ANKS1B: variants seen among roughly 807,000 people sequenced by gnomAD.
ANKS1B encodes ankyrin repeat and sterile alpha motif domain containing 1B.
Under a neutral mutation model 148.3 loss-of-function variants are expected in ANKS1B, and 36 were observed. The observed-to-expected ratio is 0.24, with a 90% CI of 0.19 to 0.32. ANKS1B has a LOEUF of 0.32. ANKS1B is among the 10% of genes least tolerant of loss of function. The pLI is 1.00. For synonymous variants in ANKS1B, 542 were observed against 560.8 expected (o/e 0.97, Z 0.47); for missense variants, 1,157 against 1,542.6 (o/e 0.75, Z 4.19).
rs61065461 is a variant in ANKS1B, at chr12:98,846,025, C to CAT, written c.2779-13891_2779-13890dup. Among the ~76,000 whole-genome samples, 247 of 149,956 alleles carry CAT rather than the reference C, an allele frequency of 1.6e-3. 2 individuals carry two copies. The highest frequency in any genetic ancestry group is 5.1e-3 in the African/African-American group (207 of 40,888). ...ACACACATATATGTACACATACACA[C>CAT]ATATATATATATGTATATTTTGTTC... On this transcript the variant is annotated intron_variant, in intron 17 of 26. Transcript: ENST00000683438.
chr12:99,556,349 G>T (rs1213444279), intron 9 of ANKS1B, among the ~76,000 whole-genome samples: 1 of 152,032 alleles, frequency 6.6e-6, no homozygotes, highest in East Asian at 1.9e-4. Flanking sequence ...CGGCTAGTGG[G>T]TCTATCAAAC....
chr12:99,111,695 T>C (rs2060320954), intron 15 of ANKS1B, among the ~76,000 whole-genome samples: 1 of 152,178 alleles, frequency 6.6e-6, no homozygotes, highest in Non-Finnish European at 1.5e-5. Context: ...TTTCTTTTCT[T>C]TCTTTACACG....
At chr12:98,790,606 A>G (rs1466217893) in intron 22 of ANKS1B, among the ~76,000 whole-genome samples, 1 of 152,164 alleles carries the variant, frequency 6.6e-6, no homozygotes, top group Non-Finnish European at 1.5e-5. Flanking sequence ...TACAGGTGTG[A>G]GCCACCTTGC....
chr12:99,951,556 G>A (rs1356525129), intron 1 of ANKS1B, among the ~76,000 whole-genome samples: 1 of 152,062 alleles, frequency 6.6e-6, no homozygotes, highest in Non-Finnish European at 1.5e-5. Flanking sequence ...AGGTATCTGG[G>A]GTAGGCTGGC....
chr12:98,933,258 AACTT>A (rs1205425586), intron 17 of ANKS1B, among the ~76,000 whole-genome samples: 1 of 152,186 alleles, frequency 6.6e-6, no homozygotes, highest in Admixed American at 6.5e-5. Flanking sequence ...TTCTGCGACT[AACTT>A]ACTTCACTTA....
chr12:99,875,259 A>T lies in ANKS1B; in HGVS notation c.135-49870T>A, dbSNP rs1361100519. Among the ~76,000 whole-genome samples the T allele has an allele frequency of 3.3e-5, 5 of 152,164 alleles. No homozygotes were observed. In the South Asian group the frequency reaches 1.0e-3, roughly 32 times the overall value. ...TTAAACATTTAAATTGCATTTCAAA[A>T]TGTTGGATTTGGCAAAATTTAAAAT... On this transcript the variant is annotated intron_variant, in intron 1 of 26. Transcript: ENST00000683438.
chr12:99,117,032 A>G (rs1015452886), intron 15 of ANKS1B, among the ~76,000 whole-genome samples: 2 of 152,146 alleles, frequency 1.3e-5, no homozygotes, highest in African/African-American at 4.8e-5. Flanking sequence ...AATGCTTGTG[A>G]TATTTGCACA....
chr12:99,955,418 G>A (rs555105486), intron 1 of ANKS1B, among the ~76,000 whole-genome samples: 15 of 144,118 alleles, frequency 1.0e-4, no homozygotes, highest in Non-Finnish European at 1.4e-4. Flanking sequence ...GCGTGAACCC[G>A]GGAGGCGGAG....
intron 12 of ANKS1B, among the ~76,000 whole-genome samples, chr12:99,292,868 T>C (rs1175156586): frequency 3.3e-4 from 50 of 152,266 alleles, no homozygotes; most frequent in Admixed American, 6.5e-5. Context: ...CTGGAGAGGA[T>C]GTGGAGAAAT....
rs1199046991 is a variant in ANKS1B, at chr12:99,228,106, T to C, written c.2419+16236A>G. ...GATAAAAGTATGAGCCATGGAATTATAGAGCTGGAAAAGATCTAGCCCTAC... is the reference window on the plus strand; with the variant it reads ...GATAAAAGTATGAGCCATGGAATTACAGAGCTGGAAAAGATCTAGCCCTAC... On this transcript the variant is annotated intron_variant, in intron 14 of 26. Coordinates refer to ENST00000683438, the MANE Select transcript of ANKS1B (RefSeq NM_001352186.2). Among the ~76,000 whole-genome samples the C allele has an allele frequency of 3.9e-5, 6 of 152,120 alleles. No individual in the cohort carries two copies. In the East Asian group the frequency reaches 7.7e-4, roughly 20 times the overall value.
intron 1 of ANKS1B, among the ~76,000 whole-genome samples, chr12:99,919,505 C>A (rs2094282380): frequency 6.6e-6 from 1 of 151,940 alleles, no homozygotes; most frequent in Non-Finnish European, 1.5e-5. Context: ...AAATTGGAAG[C>A]TTGCATAAAC....
intron 16 of ANKS1B, among the ~76,000 whole-genome samples, chr12:99,074,670 C>T (rs575066863): frequency 6.6e-6 from 1 of 152,200 alleles, no homozygotes; most frequent in Non-Finnish European, 1.5e-5. Flanking sequence ...AAATGCAGGC[C>T]GCCAGTGCTG....
intron 12 of ANKS1B, among the ~76,000 whole-genome samples, chr12:99,308,428 A>T (rs367849667): frequency 5.3e-5 from 8 of 152,140 alleles, no homozygotes; most frequent in African/African-American, 1.9e-4. Context: ...GCTGGTACAC[A>T]AATGTTTGTC....
At chr12:99,088,988 G>T (rs773294085) in intron 15 of ANKS1B, among the ~76,000 whole-genome samples, 1 of 151,718 alleles carries the variant, frequency 6.6e-6, no homozygotes, top group Non-Finnish European at 1.5e-5. Context: ...TGGGATTACA[G>T]GTGCCCGTCA....
intron 8 of ANKS1B, among the ~76,000 whole-genome samples, chr12:99,673,878 T>G (rs1482792276): frequency 6.6e-6 from 1 of 151,708 alleles, no homozygotes; most frequent in Non-Finnish European, 1.5e-5. Flanking sequence ...TTTATAGAAC[T>G]CAAGATCAGC....
At chr12:99,780,848 A>G (rs1020431965) in intron 5 of ANKS1B, among the ~76,000 whole-genome samples, 3 of 152,194 alleles carry the variant, frequency 2.0e-5, no homozygotes, top group Non-Finnish European at 4.4e-5. Flanking sequence ...ATCCAAATAC[A>G]AGGTCAAATA....
At chr12:99,104,614 A>G (rs2058724812) in intron 15 of ANKS1B, 1 of 152,234 alleles carries the variant, frequency 6.6e-6, no homozygotes, top group Admixed American at 6.5e-5. Context: ...GGGTTAGGCA[A>G]ATAGTGGATG....
chr12:99,804,104 C>T (rs2067301830), intron 4 of ANKS1B, among the ~76,000 whole-genome samples: 1 of 152,108 alleles, frequency 6.6e-6, no homozygotes, highest in Admixed American at 6.5e-5. Flanking sequence ...ATGAAAGGAT[C>T]TTGGTCAGGG....
At chr12:98,857,205 G>A (rs1286299708) in intron 17 of ANKS1B, among the ~76,000 whole-genome samples, 2 of 152,218 alleles carry the variant, frequency 1.3e-5, no homozygotes, top group African/African-American at 4.8e-5. Flanking sequence ...CATTTTCAAA[G>A]AGGTGAGGAT....
Sources: gnomAD v4.1 joint callset for allele counts (sites outside exome capture counted in the v4.1 genomes callset) on GRCh38, gnomAD v4.1.1 for gene constraint, MANE v1.5 for transcripts, NCBI Gene and HGNC (gene_info 2026-07-23, HGNC 2026-07-21) for gene names.